The following PXN variants were observed in gnomAD, a reference collection of about 807,000 sequenced individuals.
The protein encoded by PXN is paxillin, also known as testicular tissue protein Li 134.
PXN carries 61 observed loss-of-function variants against 103.6 expected under a neutral mutation model. The observed-to-expected ratio is 0.59, with a 90% CI of 0.48 to 0.73. The LOEUF (loss-of-function observed/expected upper bound fraction) is 0.73, where lower values mean the gene tolerates loss of function less well. Ranked by LOEUF, PXN falls within the 30% of genes least tolerant of loss-of-function variation. PXN has a pLI of 0.00. For missense variants in PXN, 1,274 were observed against 1,460.3 expected, an observed-to-expected ratio of 0.87 and a Z score of 2.08; for synonymous variants, 562 against 607.8, an observed-to-expected ratio of 0.92 and a Z score of 1.11.
intron 1 of PXN, chr12:120,226,044 C>T: frequency 9.2e-7 from 1 of 1,083,838 alleles, no homozygotes; most frequent in South Asian, 2.4e-5. Context: ...GGAGGCCTGG[C>T]TTCCTGTCTC....
chr12:120,264,958 T>G (rs3888587), intron 1 of PXN, among the ~76,000 whole-genome samples: 23,003 of 151,288 alleles, frequency 0.15, 2,034 homozygotes, highest in East Asian at 0.46. Context: ...AGATTTGAAG[T>G]GGGGGGTCAG....
intron 3 of PXN, among the ~76,000 whole-genome samples, chr12:120,223,365 C>T (rs570118347): frequency 7.9e-5 from 12 of 151,800 alleles, no homozygotes; most frequent in African/African-American, 2.9e-4. Flanking sequence ...ACCCAGGAGG[C>T]GGAGCTTGCA....
At chr12:120,241,815 C>T (rs1214001369) in intron 1 of PXN, among the ~76,000 whole-genome samples, 2 of 152,182 alleles carry the variant, frequency 1.3e-5, no homozygotes, top group East Asian at 3.9e-4. Flanking sequence ...AGAAGGAAGG[C>T]GGTCAGCAGC....
chr12:120,233,577 A>G (rs1888470286), intron 1 of PXN, among the ~76,000 whole-genome samples: 1 of 152,148 alleles, frequency 6.6e-6, no homozygotes, highest in South Asian at 2.1e-4. Context: ...AAGTGCTGGG[A>G]TTACAAGCAT....
chr12:120,222,456 G>A lies in PXN; in HGVS notation c.695+93C>T. On this transcript the variant is annotated intron_variant, in intron 5 of 14. Coordinates refer to ENST00000637617, the MANE Select transcript of PXN (RefSeq NM_001385981.1). The surrounding 1 kb of genome is among the most constrained non-coding windows in gnomAD (Gnocchi z 4.7). ...TGGCAAATGGCAGACACGGGAGGGA[G>A]TGGGTGATACCAGGGCTAAGGGGAC... 2.2e-6 allele frequency: 3 copies of A among 1,343,730 alleles called. No individual in the cohort carries two copies. Among genetic ancestry groups the A allele is most frequent in the South Asian group, 1.5e-5 (1 of 68,022 alleles). The allele number at this position is 1,343,730 out of a possible 1,614,324, so 83.2% of individuals were successfully genotyped here.
At chr12:120,227,191 G>C in intron 1 of PXN, 1 of 981,130 alleles carries the variant, frequency 1.0e-6, no homozygotes, top group South Asian at 4.6e-5. Context: ...AACAGTGAGA[G>C]CCTGTCTCTA....
chr12:120,234,218 A>G (rs1322198068), intron 1 of PXN, among the ~76,000 whole-genome samples: 1 of 152,066 alleles, frequency 6.6e-6, no homozygotes, highest in Non-Finnish European at 1.5e-5. Context: ...GGCCTGGCCA[A>G]CATGGTGAAA....
Position 120,222,742 on chromosome 12 carries a change from T to A in PXN, c.502A>T (p.Asn168Tyr). The A allele has an allele frequency of 1.2e-6, 2 of 1,605,792 alleles. No homozygotes were observed. Among genetic ancestry groups the A allele is most frequent in the Non-Finnish European group, 1.7e-6 (2 of 1,176,178 alleles). ...GCCCCAGGAAGCGGGGGGCTTGAGT[T>A]GGCCTCATCTTGCAGAGAGGAGAGA... is the stretch of plus-strand genomic sequence containing the variant. ...NPPGFPADEANSSPPLPGALS... is the reference protein window; with the variant it reads ...NPPGFPADEAYSSPPLPGALS... The change falls in exon 5 of 15, where the codon AAC (asparagine) becomes TAC (tyrosine). Residue 168 changes from asparagine (N) to tyrosine (Y), a missense_variant. Around this residue, in one of 2 missense-constraint regions of PXN, gnomAD observed 1,178 missense variants for 1,309.0 expected, o/e 0.90. Transcript: ENST00000637617. The surrounding 1 kb of genome is among the most constrained non-coding windows in gnomAD (Gnocchi z 4.7).
At chr12:120,261,348 G>A (rs943483496) in intron 1 of PXN, among the ~76,000 whole-genome samples, 5 of 152,028 alleles carry the variant, frequency 3.3e-5, no homozygotes, top group African/African-American at 1.2e-4. Flanking sequence ...GCGCCACCAC[G>A]CCCAGCTAAT....
chr12:120,231,574 G>A (rs149576046), intron 1 of PXN, among the ~76,000 whole-genome samples: 366 of 152,264 alleles, frequency 2.4e-3, no homozygotes, highest in African/African-American at 7.7e-3. Flanking sequence ...AGGAGGGGGT[G>A]GTCATTTGGA....
At chr12:120,226,133 C>T (rs1434257202) in intron 1 of PXN, 43 of 1,176,596 alleles carry the variant, frequency 3.7e-5, no homozygotes, top group East Asian at 6.1e-5. Flanking sequence ...CCAATCCCCA[C>T]GGCCTCTCCA....
intron 1 of PXN, among the ~76,000 whole-genome samples, chr12:120,236,978 A>G (rs1889177548): frequency 6.6e-6 from 1 of 150,610 alleles, no homozygotes; most frequent in Admixed American, 6.6e-5. Context: ...TAAGTTTTCT[A>G]TTTTTTGTAG....
chr12:120,219,996 T>G lies in PXN; in HGVS notation c.927A>C (p.Pro309=). 1 of 1,581,820 alleles carries G rather than the reference T, an allele frequency of 6.3e-7. No homozygotes were observed. The highest frequency in any genetic ancestry group is 8.6e-7 in the Non-Finnish European group (1 of 1,165,962). ...TAGTGGTGGGTGGCAGAAATACAGATGGCATGGGAGGAGGAGAAGGAGGAA... is the reference window on the plus strand; with the variant it reads ...TAGTGGTGGGTGGCAGAAATACAGAGGGCATGGGAGGAGGAGAAGGAGGAA... ...CSLPPSPPPM[P]SVFLPPTTIP... Residue 309 remains proline (P), a synonymous_variant, in exon 7 of 15, where the codon CCA becomes CCC. Transcript: ENST00000637617. The surrounding 1 kb of genome is among the most constrained non-coding windows in gnomAD (Gnocchi z 6.5).
intron 1 of PXN, among the ~76,000 whole-genome samples, chr12:120,263,366 C>T (rs1894173721): frequency 6.6e-6 from 1 of 152,228 alleles, no homozygotes; most frequent in African/African-American, 2.4e-5. Flanking sequence ...GGAAGTCGGG[C>T]AGCCCGGATG....
At position 120,214,912 on chromosome 12, in the gene PXN, G is replaced by A. The variant is rs746357371; in HGVS notation, c.2661C>T (p.Phe887=). 34 of 1,613,906 alleles carry A rather than the reference G, an allele frequency of 2.1e-5. No homozygotes were observed. Among genetic ancestry groups the A allele is most frequent in the Non-Finnish European group, 2.6e-5 (31 of 1,179,882 alleles). Residue 887 remains phenylalanine (F), a synonymous_variant, in exon 12 of 15, where the codon TTC becomes TTT. Transcript: ENST00000637617. This position sits in a 1 kb window ranked among gnomAD's most constrained non-coding sequence, Gnocchi z 5.0. The part of the protein sequence containing the change: ...CQEEIGSRNF[F]ERDGQPYCEK... The stretch of plus-strand genomic sequence containing the variant: ...CACAGTAGGGCTGTCCATCCCGCTC[G>A]AAGAAGTTCCGGGATCCGATCTCCT...
rs923369264 is a variant in PXN at position 120,220,139 on chromosome 12, G to A, written c.832-48C>T. Reference sequence around the variant, plus strand: ...GGGGAGAGGAGAGAGAGAGATGAGGGGAGTGAGGACGGCTGCACCTTGCAG... The same window carrying A: ...GGGGAGAGGAGAGAGAGAGATGAGGAGAGTGAGGACGGCTGCACCTTGCAG... On this transcript the variant is annotated intron_variant, in intron 6 of 14. Coordinates refer to ENST00000637617, the MANE Select transcript of PXN (RefSeq NM_001385981.1). The surrounding 1 kb of genome is among the most constrained non-coding windows in gnomAD (Gnocchi z 6.1). 1 of 765,164 alleles carries A rather than the reference G, an allele frequency of 1.3e-6. No homozygotes were observed. The highest frequency in any genetic ancestry group is 2.0e-6 in the Non-Finnish European group (1 of 491,002). 47.4% of individuals were successfully genotyped at this position (765,164 alleles called of 1,614,324 possible).
In PXN at chr12:120,215,046, C is replaced by T; in HGVS notation, c.2575-48G>A. The T allele has an allele frequency of 6.2e-7, 1 of 1,602,058 alleles. No homozygotes were observed. Among genetic ancestry groups the T allele is most frequent in the Non-Finnish European group, 8.5e-7 (1 of 1,174,246 alleles). On this transcript the variant is annotated intron_variant, in intron 11 of 14. Transcript: ENST00000637617. The surrounding 1 kb of genome is among the most constrained non-coding windows in gnomAD (Gnocchi z 4.9). ...TCCAGGGCCAAGGCCAGCCCCGGAG[C>T]ACCCCCACCCCTGCAGGAGTCCACT...
At position 120,217,451 on chromosome 12, in the gene PXN, T is replaced by G. The variant is rs1336029312; in HGVS notation, c.1717-335A>C. On this transcript the variant is annotated intron_variant, in intron 7 of 14. Coordinates refer to ENST00000637617, the MANE Select transcript of PXN (RefSeq NM_001385981.1). The surrounding 1 kb of genome is among the most constrained non-coding windows in gnomAD (Gnocchi z 4.1). ...TTCCTTAAAATGGAACCACAAGATT[T>G]TCTTGGCTTACCGCACAGGGTTTGC... Among the ~76,000 whole-genome samples, 1 of 152,210 alleles carries G rather than the reference T, an allele frequency of 6.6e-6. No homozygotes were observed. The highest frequency in any genetic ancestry group is 1.5e-5 in the Non-Finnish European group (1 of 68,028).
In PXN at chr12:120,219,319, G is replaced by T. The variant is rs770639380; in HGVS notation, c.1604C>A (p.Pro535Gln). The T allele has an allele frequency of 1.3e-6, 2 of 1,598,318 alleles. No individual in the cohort carries two copies. Among genetic ancestry groups the T allele is most frequent in the East Asian group, 4.5e-5 (2 of 44,874 alleles). The change falls in exon 7 of 15, where the codon CCA becomes CAA. Residue 535 changes from proline (P) to glutamine (Q), a missense_variant. Pro to Gln is a moderately conservative substitution (Grantham distance 76, BLOSUM62 -1). Transcript: ENST00000637617. This position sits in a 1 kb window ranked among gnomAD's most constrained non-coding sequence, Gnocchi z 6.5. Reference sequence around the variant, plus strand: ...GGTGGCAGCTTCCGTGGTGCCCTCTGGGCTCCTTGGGGTTTCAGGTCCCTG... The same window carrying T: ...GGTGGCAGCTTCCGTGGTGCCCTCTTGGCTCCTTGGGGTTTCAGGTCCCTG... ...PTQGPETPRS[P>Q]EGTTEAATQD...
Sources: gnomAD v4.1 joint callset for allele counts (sites outside exome capture counted in the v4.1 genomes callset) on GRCh38, gnomAD v4.1.1 for gene constraint, gnomAD v4.1.1 regional missense constraint, Gnocchi (gnomAD v3.1) non-coding constraint, MANE v1.5 for transcripts, NCBI Gene and HGNC (gene_info 2026-07-23, HGNC 2026-07-21) for gene names.